CABCOCO1: variants seen among roughly 807,000 people sequenced by gnomAD.
The protein encoded by CABCOCO1 is ciliary associated calcium binding coiled-coil 1.
CABCOCO1 carries 28 observed loss-of-function variants against 35.7 expected under a neutral mutation model. The ratio of observed to expected loss-of-function variants is 0.78; its 90% confidence interval spans 0.58 to 1.07. The LOEUF (loss-of-function observed/expected upper bound fraction) is 1.07, where lower values mean the gene tolerates loss of function less well. Ranked by LOEUF, CABCOCO1 falls within the 50% of genes least tolerant of loss-of-function variation. The pLI, the probability that CABCOCO1 is intolerant of heterozygous loss-of-function variation, is 0.00. For synonymous variants in CABCOCO1, 95 were observed against 100.1 expected (o/e 0.95, Z 0.30); for missense variants, 326 against 309.2 (o/e 1.05, Z -0.41).
At chr10:61,754,807 A>G (rs1415531276) in intron 5 of CABCOCO1, among the ~76,000 whole-genome samples, 2 of 152,096 alleles carry the variant, frequency 1.3e-5, no homozygotes, top group East Asian at 1.9e-4. Context: ...GGTGATTAGC[A>G]TGTGTGGATC....
intron 5 of CABCOCO1, among the ~76,000 whole-genome samples, chr10:61,736,583 C>A (rs1841421152): frequency 6.6e-6 from 1 of 152,054 alleles, no homozygotes; most frequent in Admixed American, 6.6e-5. Flanking sequence ...ATGATTCCTC[C>A]AGATTTGTTC....
Position 61,760,196 on chromosome 10 carries a change from G to C in CABCOCO1, c.675+15G>C, listed in dbSNP as rs1841980536. The stretch of plus-strand genomic sequence containing the variant: ...CGGAAATGAAGGTATATTTCTTTTT[G>C]TCTTTCCATTCACCCTACCTCATCA... On this transcript the variant is annotated intron_variant, in intron 6 of 7. Transcript: ENST00000648843. 1.9e-6 allele frequency: 3 copies of C among 1,608,802 alleles called. No homozygotes were observed. The highest frequency in any genetic ancestry group is 2.2e-5 in the South Asian group (2 of 90,912).
intron 5 of CABCOCO1, among the ~76,000 whole-genome samples, chr10:61,694,607 A>C (rs1189518251): frequency 6.6e-6 from 1 of 152,040 alleles, no homozygotes; most frequent in East Asian, 1.9e-4. Context: ...ACTGAGAACA[A>C]CTAGAAAAAT....
At chr10:61,708,017 A>G (rs1663480594) in intron 5 of CABCOCO1, among the ~76,000 whole-genome samples, 1 of 152,016 alleles carries the variant, frequency 6.6e-6, no homozygotes, top group African/African-American at 2.4e-5. Flanking sequence ...TAAACAAGAC[A>G]GGGCCTGGCA....
rs1029521434 is a variant in CABCOCO1, at chr10:61,667,119, TA to T, written c.60+4088del. On this transcript the variant is annotated intron_variant, in intron 1 of 7. Coordinates refer to ENST00000648843, the MANE Select transcript of CABCOCO1 (RefSeq NM_001366906.2). ...TATAGTATATATAAATATAATTATA[TA>T]TTATATATACATTTCATATGTATAT... 2.3e-3 allele frequency among the ~76,000 whole-genome samples: 327 copies of T among 144,042 alleles called. 1 individual carries two copies. The highest frequency in any genetic ancestry group is 3.6e-3 in the Middle Eastern group (1 of 276). The allele number at this position is 144,042 out of a possible 152,430, so 94.5% of individuals were successfully genotyped here. A position where few individuals can be genotyped will look rare whatever the true frequency, so the allele number is the denominator to read the frequency against.
At position 61,672,631 on chromosome 10, in the gene CABCOCO1, G is replaced by T. The variant is rs969185095; in HGVS notation, c.61-1G>T. 1.2e-6 allele frequency: 1 copy of T among 825,088 alleles called. No individual in the cohort carries two copies. The highest frequency in any genetic ancestry group is 1.5e-6 in the Non-Finnish European group (1 of 684,092). 51.1% of individuals were successfully genotyped at this position (825,088 alleles called of 1,614,324 possible). On this transcript the variant is annotated splice_acceptor_variant, in intron 1 of 7. Transcript: ENST00000648843. LOFTEE classifies it high-confidence loss of function. ...ACTCACTCCACATTGTGTTTTGGTA[G>T]AGAGACACTGAATTCCAGGAGCATG... is the stretch of plus-strand genomic sequence containing the variant.
Position 61,751,213 on chromosome 10 carries a change from C to CTT in CABCOCO1, c.553-8824_553-8823dup, listed in dbSNP as rs57540074. The stretch of plus-strand genomic sequence containing the variant: ...TCGCTCTGCTTTGCTTTGCCTTGCT[C>CTT]TTTTTTTTTTTTTTTTTTTTTTTCA... On this transcript the variant is annotated intron_variant, in intron 5 of 7. Transcript: ENST00000648843. 4.2e-3 allele frequency among the ~76,000 whole-genome samples: 450 copies of CTT among 106,436 alleles called. 2 individuals carry two copies. Among genetic ancestry groups the CTT allele is most frequent in the Middle Eastern group, 0.011 (2 of 188 alleles). 69.8% of individuals were successfully genotyped at this position (106,436 alleles called of 152,430 possible). A position where few individuals can be genotyped will look rare whatever the true frequency, so the allele number is the denominator to read the frequency against.
intron 5 of CABCOCO1, among the ~76,000 whole-genome samples, chr10:61,700,928 TATGTATACATATACATAC>T (rs66623501): frequency 0.36 from 53,882 of 149,994 alleles, 10,683 homozygotes; most frequent in East Asian, 0.83. Context: ...TGTGTATGTA[TATGTATACATATACATAC>T]ATGTATACAT....
chr10:61,762,037 C>T (rs1258912097), intron 7 of CABCOCO1, among the ~76,000 whole-genome samples: 1 of 152,054 alleles, frequency 6.6e-6, no homozygotes, highest in Non-Finnish European at 1.5e-5. Context: ...AATGTAATAA[C>T]TGGTTATTGT....
chr10:61,663,978 A>G (rs982066357), intron 1 of CABCOCO1, among the ~76,000 whole-genome samples: 8 of 152,118 alleles, frequency 5.3e-5, no homozygotes, highest in Non-Finnish European at 7.3e-5. Context: ...TCTAAACGAC[A>G]TTCTTTGTGC....
intron 5 of CABCOCO1, among the ~76,000 whole-genome samples, chr10:61,695,454 G>A (rs1840269941): frequency 1.3e-5 from 2 of 151,958 alleles, no homozygotes; most frequent in South Asian, 2.1e-4. Flanking sequence ...TAATTTTCCA[G>A]AACTAACCAA....
intron 4 of CABCOCO1, among the ~76,000 whole-genome samples, chr10:61,688,394 T>C (rs561821712): frequency 1.2e-4 from 18 of 152,294 alleles, no homozygotes; most frequent in African/African-American, 3.6e-4. Context: ...GAAATTTCAT[T>C]TGATGCCCTT....
intron 2 of CABCOCO1, among the ~76,000 whole-genome samples, chr10:61,674,746 A>G (rs1246830329): frequency 6.6e-6 from 1 of 152,198 alleles, no homozygotes; most frequent in South Asian, 2.1e-4. Context: ...ATGAAACATT[A>G]AAGTATCATT....
intron 5 of CABCOCO1, among the ~76,000 whole-genome samples, chr10:61,704,066 A>AGG (rs1840534877): frequency 6.6e-6 from 1 of 151,874 alleles, no homozygotes; most frequent in Admixed American, 6.6e-5. Flanking sequence ...AAAATACAAA[A>AGG]AAAAAAAATT....
intron 2 of CABCOCO1, 142 bp downstream of exon 2, chr10:61,672,877 C>A: frequency 2.1e-6 from 1 of 474,776 alleles, no homozygotes; most frequent in Non-Finnish European, 2.7e-6. Flanking sequence ...CTTCAAAACA[C>A]AAAAATTCTC....
At chr10:61,712,270 A>T (rs1055580384) in intron 5 of CABCOCO1, among the ~76,000 whole-genome samples, 2 of 152,028 alleles carry the variant, frequency 1.3e-5, no homozygotes, top group Non-Finnish European at 2.9e-5. Flanking sequence ...GATGATGAGC[A>T]TTTTTTCACG....
At chr10:61,676,312 C>T (rs1255436927) in intron 2 of CABCOCO1, among the ~76,000 whole-genome samples, 1 of 151,962 alleles carries the variant, frequency 6.6e-6, no homozygotes, top group Non-Finnish European at 1.5e-5. Context: ...CAAAAAACTG[C>T]CAATGAGAAA....
chr10:61,705,181 G>A (rs903799953), intron 5 of CABCOCO1, among the ~76,000 whole-genome samples: 1 of 152,190 alleles, frequency 6.6e-6, no homozygotes, highest in Non-Finnish European at 1.5e-5. Flanking sequence ...TCTGGTACCT[G>A]AGCGAGACAG....
intron 5 of CABCOCO1, among the ~76,000 whole-genome samples, chr10:61,726,949 G>T (rs1841168219): frequency 6.6e-6 from 1 of 151,124 alleles, no homozygotes; most frequent in African/African-American, 2.4e-5. Context: ...TGTAATTCCA[G>T]CTCTAGGGAG....
Sources: gnomAD v4.1 joint callset for allele counts (sites outside exome capture counted in the v4.1 genomes callset) on GRCh38, gnomAD v4.1.1 for gene constraint, MANE v1.5 for transcripts, NCBI Gene and HGNC (gene_info 2026-07-23, HGNC 2026-07-21) for gene names.